OPRD1: variants seen among roughly 807,000 people sequenced by gnomAD.
The protein encoded by OPRD1 is opioid receptor delta 1, also known as delta-type opioid receptor.
Under a neutral mutation model 17.5 loss-of-function variants are expected in OPRD1, and 19 were observed. The ratio of observed to expected loss-of-function variants is 1.09; its 90% confidence interval spans 0.76 to 1.60. The LOEUF (loss-of-function observed/expected upper bound fraction) is 1.60, where lower values mean the gene tolerates loss of function less well. Among genes scored for constraint, OPRD1 ranks in the 40% most tolerant of loss-of-function variants. OPRD1 has a pLI of 0.00. For missense variants in OPRD1, 483 were observed against 547.2 expected (o/e 0.88, Z 1.17); for synonymous variants, 256 against 240.9 (o/e 1.06, Z -0.58).
intron 1 of OPRD1, among the ~76,000 whole-genome samples, chr1:28,838,371 C>G (rs958246112): frequency 1.3e-5 from 2 of 152,214 alleles, no homozygotes; most frequent in Non-Finnish European, 2.9e-5. Flanking sequence ...GCAGAAGGAA[C>G]TTGGTTTCCC....
intron 1 of OPRD1, among the ~76,000 whole-genome samples, chr1:28,830,335 C>A (rs959506439): frequency 6.6e-6 from 1 of 151,734 alleles, no homozygotes; most frequent in Non-Finnish European, 1.5e-5. Context: ...CCAGCCCTGG[C>A]AACATAATGA....
chr1:28,842,056 G>T (rs1037155457), intron 1 of OPRD1, among the ~76,000 whole-genome samples: 1 of 151,296 alleles, frequency 6.6e-6, no homozygotes. Flanking sequence ...TTGAGACAGG[G>T]TTTCACTCTG....
At chr1:28,817,910 G>C (rs975348327) in intron 1 of OPRD1, among the ~76,000 whole-genome samples, 13 of 143,712 alleles carry the variant, frequency 9.0e-5, no homozygotes, top group Non-Finnish European at 1.2e-4. Flanking sequence ...GGCGGGGGGG[G>C]GGTTTCACCA....
chr1:28,846,434 AAGAG>A (rs5773219), intron 1 of OPRD1, among the ~76,000 whole-genome samples: 8 of 151,532 alleles, frequency 5.3e-5, no homozygotes, highest in African/African-American at 1.9e-4. Flanking sequence ...GGCAGAGAGA[AAGAG>A]AGAGAGAGCA....
chr1:28,814,284 T>C (rs1284377121), intron 1 of OPRD1, among the ~76,000 whole-genome samples: 2 of 152,168 alleles, frequency 1.3e-5, no homozygotes, highest in Admixed American at 6.6e-5. Flanking sequence ...AGTTTCTTCA[T>C]CTGTAGAATG....
chr1:28,828,753 G>A (rs992875737), intron 1 of OPRD1, among the ~76,000 whole-genome samples: 1 of 151,188 alleles, frequency 6.6e-6, no homozygotes, highest in Non-Finnish European at 1.5e-5. Context: ...ACTTTGGGAG[G>A]CCAAGGCAGG....
At chr1:28,828,687 TAAAAAA>T (rs71027300) in intron 1 of OPRD1, among the ~76,000 whole-genome samples, 1 of 102,306 alleles carries the variant, frequency 9.8e-6, no homozygotes, top group Non-Finnish European at 1.9e-5. Context: ...CTCGATCTCT[TAAAAAA>T]AAAAAAAAAA....
chr1:28,825,717 C>T (rs748990277), intron 1 of OPRD1, among the ~76,000 whole-genome samples: 7 of 152,200 alleles, frequency 4.6e-5, no homozygotes, highest in Non-Finnish European at 8.8e-5. Context: ...GCAGCCTGGC[C>T]TAGGGGCTAC....
At position 28,863,305 on chromosome 1, in the gene OPRD1, G is replaced by A; in HGVS notation, c.*22G>A. ...CTGACCAGGCCATCCGGCCCCCAGA[G>A]CGCCCCTCCCTAGTGACCCGGAGGC... is the stretch of plus-strand genomic sequence containing the variant. On this transcript the variant is annotated 3_prime_UTR_variant, in exon 3 of 3. Transcript: ENST00000234961. 1.4e-6 allele frequency: 2 copies of A among 1,414,424 alleles called. No individual in the cohort carries two copies. The highest frequency in any genetic ancestry group is 3.1e-5 in the South Asian group (2 of 64,812). 87.6% of individuals were successfully genotyped at this position (1,414,424 alleles called of 1,614,324 possible).
In OPRD1 at chr1:28,852,535, T is replaced by G. The variant is rs1004862205; in HGVS notation, c.228-6419T>G. 4.1e-4 allele frequency among the ~76,000 whole-genome samples: 63 copies of G among 152,130 alleles called. 1 individual carries two copies. Among genetic ancestry groups the G allele is most frequent in the Non-Finnish European group, 1.5e-5 (1 of 68,008 alleles). ...AAAACTATATTGGAGCCAGACATGG[T>G]GGTGAGCACCTGTAGTCCCAGCCAC... On this transcript the variant is annotated intron_variant, in intron 1 of 2. Transcript: ENST00000234961.
chr1:28,822,473 T>C (rs548791918), intron 1 of OPRD1, among the ~76,000 whole-genome samples: 4 of 152,062 alleles, frequency 2.6e-5, no homozygotes, highest in Admixed American at 6.5e-5. Flanking sequence ...GTTTATCGAT[T>C]GATTGATTGA....
Position 28,812,265 on chromosome 1 carries a change from CGGGGCGCGGCAGCCGGCGGCGTCG to C in OPRD1, c.-115_-92del, listed in dbSNP as rs1213954371. 8 of 558,962 alleles carry C rather than the reference CGGGGCGCGGCAGCCGGCGGCGTCG, an allele frequency of 1.4e-5. No individual in the cohort carries two copies. Among genetic ancestry groups the C allele is most frequent in the Non-Finnish European group, 2.5e-6 (1 of 405,546 alleles). 34.6% of individuals were successfully genotyped at this position (558,962 alleles called of 1,614,324 possible). Reference sequence around the variant, plus strand: ...CGAGGCGCAGAGACAGCGGGGCGGCCGGGGCGCGGCAGCCGGCGGCGTCGGGGCCGCGGCCTCTGCCTTGCCGCT... The same window carrying C: ...CGAGGCGCAGAGACAGCGGGGCGGCCGGGCCGCGGCCTCTGCCTTGCCGCT... On this transcript the variant is annotated 5_prime_UTR_variant, in exon 1 of 3. Transcript: ENST00000234961.
At chr1:28,846,882 C>CTT (rs757325689) in intron 1 of OPRD1, among the ~76,000 whole-genome samples, 3 of 55,572 alleles carry the variant, frequency 5.4e-5, no homozygotes, top group South Asian at 1.2e-3. Context: ...TTCTTTCTTT[C>CTT]TTTCTTTCTT....
At chr1:28,842,228 C>T (rs2088902039) in intron 1 of OPRD1, among the ~76,000 whole-genome samples, 1 of 152,082 alleles carries the variant, frequency 6.6e-6, no homozygotes, top group Non-Finnish European at 1.5e-5. Context: ...CGGGGGTTCG[C>T]CATATTGCCC....
At chr1:28,816,821 C>A (rs2088674734) in intron 1 of OPRD1, among the ~76,000 whole-genome samples, 1 of 152,150 alleles carries the variant, frequency 6.6e-6, no homozygotes, top group Non-Finnish European at 1.5e-5. Flanking sequence ...ATCTCAGAGA[C>A]TTCCCATGGG....
intron 1 of OPRD1, among the ~76,000 whole-genome samples, chr1:28,851,995 A>G (rs1185722120): frequency 1.7e-4 from 25 of 148,986 alleles, no homozygotes; most frequent in Non-Finnish European, 2.8e-4. Flanking sequence ...GTGAAACCCC[A>G]TCTCTACTAA....
At chr1:28,859,658 A>C (rs1420026555) in intron 2 of OPRD1, among the ~76,000 whole-genome samples, 1 of 152,060 alleles carries the variant, frequency 6.6e-6, no homozygotes, top group Non-Finnish European at 1.5e-5. Flanking sequence ...GGATGTGTGG[A>C]TGTATAGAGA....
At chr1:28,825,574 C>G (rs1056047281) in intron 1 of OPRD1, among the ~76,000 whole-genome samples, 2 of 152,048 alleles carry the variant, frequency 1.3e-5, no homozygotes, top group African/African-American at 4.8e-5. Flanking sequence ...TCAGTAGAGA[C>G]AGGGTTTCAT....
At chr1:28,856,630 A>G (rs1296338681) in intron 1 of OPRD1, among the ~76,000 whole-genome samples, 1 of 151,832 alleles carries the variant, frequency 6.6e-6, no homozygotes, top group Non-Finnish European at 1.5e-5. Context: ...TGCATTTGGG[A>G]AGGTCTGGCT....
Sources: allele counts gnomAD v4.1 joint callset (sites outside exome capture counted in the v4.1 genomes callset), GRCh38; gene constraint gnomAD v4.1.1; transcripts MANE v1.5; gene names NCBI Gene and HGNC (gene_info 2026-07-23, HGNC 2026-07-21).